PLPPR4: variants seen among roughly 807,000 people sequenced by gnomAD.
PLPPR4 encodes phospholipid phosphatase related 4.
PLPPR4 carries 24 observed loss-of-function variants against 56.6 expected under a neutral mutation model. That is an observed-to-expected ratio of 0.42 (90% confidence interval 0.31 to 0.60). The LOEUF is 0.60. Ranked by LOEUF, PLPPR4 falls within the 20% of genes least tolerant of loss-of-function variation. The pLI, the probability that PLPPR4 is intolerant of heterozygous loss-of-function variation, is 0.13. For missense variants in PLPPR4, 654 were observed against 885.8 expected (o/e 0.74, Z 3.32); for synonymous variants, 326 against 328.1 (o/e 0.99, Z 0.07).
At chr1:99,282,490 T>C (rs980176979) in intron 1 of PLPPR4, among the ~76,000 whole-genome samples, 32 of 152,182 alleles carry the variant, frequency 2.1e-4, no homozygotes, top group African/African-American at 6.0e-4. Flanking sequence ...GCCTACTAGG[T>C]ATTTAATAAA....
intron 3 of PLPPR4, among the ~76,000 whole-genome samples, chr1:99,297,440 CCTTCATCT>C (rs972007386): frequency 2.6e-5 from 4 of 151,988 alleles, no homozygotes; most frequent in Non-Finnish European, 4.4e-5. Flanking sequence ...AGTTTTCAAA[CCTTCATCT>C]CTTCTGCTTA....
chr1:99,270,110 T>C (rs1054359003), intron 1 of PLPPR4, among the ~76,000 whole-genome samples: 1 of 151,312 alleles, frequency 6.6e-6, no homozygotes, highest in Non-Finnish European at 1.5e-5. Flanking sequence ...CTGCAACCTC[T>C]GCCTCCCAGG....
intron 4 of PLPPR4, among the ~76,000 whole-genome samples, chr1:99,300,147 T>C (rs1229218728): frequency 6.6e-6 from 1 of 152,030 alleles, no homozygotes; most frequent in African/African-American, 2.4e-5. Flanking sequence ...CATTAACTTA[T>C]CTCTGTTGAA....
rs754900760 is a variant in PLPPR4 at position 99,287,982 on chromosome 1, A to G, written c.96A>G (p.Ser32=). 1.9e-6 allele frequency: 3 copies of G among 1,613,386 alleles called. No individual in the cohort carries two copies. In the Admixed American group the frequency reaches 5.0e-5, roughly 27 times the overall value. ...ATTCTTAGTTGCCTATATTGGCATCATCGGTGGTTAGCCTCTATTTCCTCG... is the reference window on the plus strand; with the variant it reads ...ATTCTTAGTTGCCTATATTGGCATCGTCGGTGGTTAGCCTCTATTTCCTCG... ...FYFVELPILA[S]SVVSLYFLEL... is the part of the protein sequence containing the mutation. The change falls in exon 2 of 7, where the codon TCA becomes TCG. Residue 32 remains serine, a synonymous_variant. Transcript: ENST00000370185.
At position 99,297,582 on chromosome 1, in the gene PLPPR4, T is replaced by A. The variant is rs185495766; in HGVS notation, c.394+715T>A. On this transcript the variant is annotated intron_variant, in intron 3 of 6. Coordinates refer to ENST00000370185, the MANE Select transcript of PLPPR4 (RefSeq NM_014839.5). ...TCTATTCATTCCCAATAAGTCCGCA[T>A]AAAGTTATTTTTACCTGTAACATGT... 3.3e-5 allele frequency among the ~76,000 whole-genome samples: 5 copies of A among 152,272 alleles called. 1 individual carries two copies. The East Asian group carries it at 9.6e-4, about 29-fold the overall frequency.
intron 1 of PLPPR4, among the ~76,000 whole-genome samples, chr1:99,276,391 A>G (rs1427657292): frequency 6.6e-6 from 1 of 152,170 alleles, no homozygotes; most frequent in African/African-American, 2.4e-5. Flanking sequence ...GTAATAGAAA[A>G]TATGAACTTT....
chr1:99,284,405 A>G (rs1436052068), intron 1 of PLPPR4, among the ~76,000 whole-genome samples: 1 of 152,240 alleles, frequency 6.6e-6, no homozygotes, highest in African/African-American at 2.4e-5. Context: ...TGTAAGGAGC[A>G]GAGTAAATAT....
At chr1:99,288,536 G>T (rs1364266752) in intron 2 of PLPPR4, among the ~76,000 whole-genome samples, 1 of 151,952 alleles carries the variant, frequency 6.6e-6, no homozygotes, top group Non-Finnish European at 1.5e-5. Flanking sequence ...AGCCAAAAGT[G>T]CATTTGCTAT....
intron 1 of PLPPR4, among the ~76,000 whole-genome samples, chr1:99,275,211 T>C (rs1216953413): frequency 6.6e-6 from 1 of 152,172 alleles, no homozygotes; most frequent in African/African-American, 2.4e-5. Context: ...GTCAGCAATC[T>C]GTTATAAACA....
Position 99,307,257 on chromosome 1 carries a change from T to G in PLPPR4, c.*247T>G. ...GTTTTCTTAAGACCTGTCGTCAAAC[T>G]TAAAAGGTTTTGCAGAGGGCAGTAT... On this transcript the variant is annotated 3_prime_UTR_variant, in exon 7 of 7. Coordinates refer to ENST00000370185, the MANE Select transcript of PLPPR4 (RefSeq NM_014839.5). 2.2e-6 allele frequency: 1 copy of G among 458,594 alleles called. No homozygotes were observed. The highest frequency in any genetic ancestry group is 3.8e-6 in the Non-Finnish European group (1 of 262,796). 28.4% of individuals were successfully genotyped at this position (458,594 alleles called of 1,614,324 possible). A position where few individuals can be genotyped will look rare whatever the true frequency, so the allele number is the denominator to read the frequency against.
chr1:99,275,128 T>C (rs1659153302), intron 1 of PLPPR4, among the ~76,000 whole-genome samples: 1 of 152,132 alleles, frequency 6.6e-6, no homozygotes, highest in South Asian at 2.1e-4. Flanking sequence ...TATTAAAACA[T>C]GAAGAACATC....
intron 1 of PLPPR4, among the ~76,000 whole-genome samples, chr1:99,265,086 T>A (rs772248190): frequency 2.6e-5 from 4 of 152,004 alleles, no homozygotes; most frequent in Non-Finnish European, 5.9e-5. Context: ...GCCTAGGGCA[T>A]ATGAGGGTTG....
At chr1:99,293,055 C>T (rs1357414526) in intron 2 of PLPPR4, among the ~76,000 whole-genome samples, 2 of 152,076 alleles carry the variant, frequency 1.3e-5, no homozygotes, top group African/African-American at 4.8e-5. Context: ...GGGAGGTAAG[C>T]AGAACTCTCC....
In PLPPR4 at chr1:99,296,806, C is replaced by A; in HGVS notation, c.333C>A (p.Pro111=). 1 of 1,604,738 alleles carries A rather than the reference C, an allele frequency of 6.2e-7. No homozygotes were observed. The highest frequency in any genetic ancestry group is 1.1e-5 in the South Asian group (1 of 89,726). Residue 111 remains proline, a synonymous_variant, in exon 3 of 7, where the codon CCC becomes CCA. Coordinates refer to ENST00000370185, the MANE Select transcript of PLPPR4 (RefSeq NM_014839.5). ...GAAGAAATGGGGTCGGACTAGAGCCCAACATTAATGCTGGAGGCTGCAACT... is the reference window on the plus strand; with the variant it reads ...GAAGAAATGGGGTCGGACTAGAGCCAAACATTAATGCTGGAGGCTGCAACT... ...SKRRNGVGLE[P]NINAGGCNFN... is the part of the protein sequence containing the mutation.
At chr1:99,263,580 T>A (rs1476963272), upstream of PLPPR4, among the ~76,000 whole-genome samples, 4 of 152,204 alleles carry the variant, frequency 2.6e-5, no homozygotes, top group Non-Finnish European at 5.9e-5. Context: ...TAATATCATG[T>A]CTCGTGTTTG....
chr1:99,294,156 C>G (rs1039449181), intron 2 of PLPPR4, among the ~76,000 whole-genome samples: 1 of 151,756 alleles, frequency 6.6e-6, no homozygotes, highest in African/African-American at 2.4e-5. Flanking sequence ...AAACATCTCC[C>G]TATACCCTGA....
At chr1:99,276,246 G>A (rs1002707500) in intron 1 of PLPPR4, among the ~76,000 whole-genome samples, 2 of 152,092 alleles carry the variant, frequency 1.3e-5, no homozygotes, top group African/African-American at 4.8e-5. Context: ...TTAGAGGGAA[G>A]AGAAGCTTGT....
At position 99,309,087 on chromosome 1, in the gene PLPPR4, CA is replaced by C. The variant is rs1660121708; in HGVS notation, c.*2080del. The C allele has an allele frequency of 6.6e-6, 1 of 152,346 alleles. No homozygotes were observed. Among genetic ancestry groups the C allele is most frequent in the East Asian group, 1.9e-4 (1 of 5,194 alleles). The allele number at this position is 152,346 out of a possible 1,614,324, so 9.4% of individuals were successfully genotyped here. On this transcript the variant is annotated 3_prime_UTR_variant, in exon 7 of 7. Transcript: ENST00000370185. The stretch of plus-strand genomic sequence containing the variant: ...TATATTCTTTTTCTACTCAAAGTGC[CA>C]AAGGCTACAGTTTTTAATGACTTAA...
At chr1:99,280,754 A>G (rs1223453893) in intron 1 of PLPPR4, among the ~76,000 whole-genome samples, 1 of 152,240 alleles carries the variant, frequency 6.6e-6, no homozygotes, top group African/African-American at 2.4e-5. Context: ...ATGTGGAACC[A>G]TAATGTGAAG....
Sources: allele counts gnomAD v4.1 joint callset (sites outside exome capture counted in the v4.1 genomes callset), GRCh38; gene constraint gnomAD v4.1.1; transcripts MANE v1.5; gene names NCBI Gene and HGNC (gene_info 2026-07-23, HGNC 2026-07-21).